NPAS3: variants seen among roughly 807,000 people sequenced by gnomAD.
The protein encoded by NPAS3 is neuronal PAS domain-containing protein 3.
In NPAS3, 14 loss-of-function variants were observed where a neutral mutation model predicts 73.1. That is an observed-to-expected ratio of 0.19 (90% CI 0.13 to 0.30). The LOEUF is 0.30. NPAS3 is among the 10% of genes least tolerant of loss of function. The pLI, the probability that NPAS3 is intolerant of heterozygous loss-of-function variation, is 1.00. For synonymous variants in NPAS3, 620 were observed against 541.5 expected (o/e 1.14, Z -2.01); for missense variants, 1,096 against 1,250.0 (o/e 0.88, Z 1.86).
intron 4 of NPAS3, among the ~76,000 whole-genome samples, chr14:33,489,586 T>A (rs1566945760): frequency 6.6e-6 from 1 of 152,210 alleles, no homozygotes; most frequent in Non-Finnish European, 1.5e-5. Context: ...TTGTAATATT[T>A]AGCAAATATA....
At chr14:33,523,872 C>T (rs181407837) in intron 4 of NPAS3, among the ~76,000 whole-genome samples, 44 of 152,204 alleles carry the variant, frequency 2.9e-4, no homozygotes, top group African/African-American at 9.1e-4. Flanking sequence ...CCATGATGGA[C>T]CTCCCTTATA....
intron 3 of NPAS3, among the ~76,000 whole-genome samples, chr14:33,336,384 TGTA>T (rs1456995020): frequency 6.6e-6 from 1 of 152,180 alleles, no homozygotes; most frequent in Non-Finnish European, 1.5e-5. Context: ...TCCTTGATTT[TGTA>T]GGACAGAAGT....
intron 5 of NPAS3, among the ~76,000 whole-genome samples, chr14:33,632,889 A>C (rs1369668440): frequency 6.6e-6 from 1 of 152,186 alleles, no homozygotes; most frequent in Non-Finnish European, 1.5e-5. Flanking sequence ...CTTGTAGCTA[A>C]GCCAGAAATA....
At position 33,603,066 on chromosome 14, in the gene NPAS3, T is replaced by C. The variant is rs143240680; in HGVS notation, c.558+42856T>C. Among the ~76,000 whole-genome samples the C allele has an allele frequency of 2.4e-3, 358 of 152,298 alleles. 6 individuals carry two copies. The highest frequency in any genetic ancestry group is 7.5e-4 in the Non-Finnish European group (51 of 68,016). On this transcript the variant is annotated intron_variant, in intron 5 of 11. Transcript: ENST00000356141. ...AGAGATATGTTAATTACTCAAAACT[T>C]ACTAAGAAGTGACATATTAGAATTA...
At chr14:33,521,594 A>G (rs1281790677) in intron 4 of NPAS3, among the ~76,000 whole-genome samples, 2 of 151,266 alleles carry the variant, frequency 1.3e-5, no homozygotes, top group African/African-American at 2.4e-5. Context: ...ATTTTATTTT[A>G]TAAGTTCCAA....
intron 2 of NPAS3, chr14:33,214,871 C>A: frequency 3.1e-6 from 1 of 321,510 alleles, no homozygotes; most frequent in East Asian, 7.3e-5. Flanking sequence ...TCAAGCTACG[C>A]CTGTAAACCT....
chr14:33,393,475 C>A (rs1357717820), intron 4 of NPAS3, among the ~76,000 whole-genome samples: 2 of 152,144 alleles, frequency 1.3e-5, no homozygotes, highest in African/African-American at 4.8e-5. Flanking sequence ...CCGGAGCCTC[C>A]TGCTTCCAGG....
At chr14:33,237,508 G>C (rs2048075211) in intron 3 of NPAS3, among the ~76,000 whole-genome samples, 1 of 152,072 alleles carries the variant, frequency 6.6e-6, no homozygotes. Context: ...AAGAAAAATT[G>C]AATGACAGTG....
At position 33,797,523 on chromosome 14, in the gene NPAS3, C is replaced by T. The variant is rs140754640; in HGVS notation, c.1368C>T (p.Ser456=). The change falls in exon 11 of 12, where the codon TCC becomes TCT. Residue 456 remains serine (S), a synonymous_variant. Coordinates refer to ENST00000356141, the Ensembl canonical transcript of NPAS3. ...TCCCCCATCTGCCGGAGAAAACTTCCGAATCCTCGGAGACATCCGACTCTG... is the reference window on the plus strand; with the variant it reads ...TCCCCCATCTGCCGGAGAAAACTTCTGAATCCTCGGAGACATCCGACTCTG... The T allele has an allele frequency of 5.9e-4, 960 of 1,614,096 alleles. 7 individuals carry two copies. The South Asian group carries it at 7.6e-3, about 13-fold the overall frequency.
intron 11 of NPAS3, among the ~76,000 whole-genome samples, chr14:33,799,269 C>A (rs1338477843): frequency 7.2e-5 from 11 of 152,140 alleles, no homozygotes; most frequent in Non-Finnish European, 4.4e-5. Context: ...AAATATTCAC[C>A]AAGGGAAAAT....
At chr14:33,279,515 C>T (rs1271873058) in intron 3 of NPAS3, among the ~76,000 whole-genome samples, 1 of 152,134 alleles carries the variant, frequency 6.6e-6, no homozygotes, top group Non-Finnish European at 1.5e-5. Flanking sequence ...AACCTTCTTC[C>T]TCAAAGTGTG....
chr14:33,107,408 T>G (rs1241475941), intron 2 of NPAS3, among the ~76,000 whole-genome samples: 1 of 151,652 alleles, frequency 6.6e-6, no homozygotes, highest in Non-Finnish European at 1.5e-5. Flanking sequence ...ACCCTCTTCC[T>G]GTCTCCCCTG....
intron 4 of NPAS3, among the ~76,000 whole-genome samples, chr14:33,459,788 C>A (rs75187969): frequency 0.012 from 1,903 of 152,266 alleles, 32 homozygotes; most frequent in African/African-American, 0.044. Flanking sequence ...TGCTCCCTGG[C>A]TGAGTCAGAA....
Position 33,663,309 on chromosome 14 carries a change from A to G in NPAS3, c.559-12902A>G, listed in dbSNP as rs2059362476. Among the ~76,000 whole-genome samples the G allele has an allele frequency of 2.6e-5, 4 of 151,884 alleles. 2 individuals are homozygous for G. Among genetic ancestry groups the G allele is most frequent in the Admixed American group, 2.6e-4 (4 of 15,230 alleles). On this transcript the variant is annotated intron_variant, in intron 5 of 11. Transcript: ENST00000356141. ...GTGTTGAATTTTATCGAAGGCCTTT[A>G]TCTGTTGAGATAATCATGAGGTTTT...
At chr14:33,060,622 C>T (rs1175682110) in intron 2 of NPAS3, among the ~76,000 whole-genome samples, 3 of 152,208 alleles carry the variant, frequency 2.0e-5, no homozygotes, top group African/African-American at 4.8e-5. Flanking sequence ...CTTTTCCAAG[C>T]CCCTTTTTCT....
At chr14:33,701,232 A>T (rs183185633) in intron 6 of NPAS3, among the ~76,000 whole-genome samples, 1 of 152,346 alleles carries the variant, frequency 6.6e-6, no homozygotes, top group Non-Finnish European at 1.5e-5. Context: ...CAACCCTGTG[A>T]GGTTAGGACT....
intron 5 of NPAS3, among the ~76,000 whole-genome samples, chr14:33,573,619 T>C (rs2056319469): frequency 6.6e-6 from 1 of 152,200 alleles, no homozygotes; most frequent in Non-Finnish European, 1.5e-5. Context: ...TGCAAAGCTA[T>C]TTCTTATGGG....
chr14:33,786,600 G>A (rs574836792), intron 9 of NPAS3, among the ~76,000 whole-genome samples: 3 of 152,196 alleles, frequency 2.0e-5, no homozygotes, highest in East Asian at 1.9e-4. Flanking sequence ...CAAGTCAGAC[G>A]CCCTTTGCGC....
At chr14:33,757,408 C>T (rs1042810586) in intron 7 of NPAS3, among the ~76,000 whole-genome samples, 5 of 152,146 alleles carry the variant, frequency 3.3e-5, no homozygotes, top group Admixed American at 6.5e-5. Flanking sequence ...CATAGAGGTC[C>T]TGCTGCTGCT....
Sources: gnomAD v4.1 joint callset for allele counts (sites outside exome capture counted in the v4.1 genomes callset) on GRCh38, gnomAD v4.1.1 for gene constraint, MANE v1.5 for transcripts, NCBI Gene and HGNC (gene_info 2026-07-23, HGNC 2026-07-21) for gene names.